The following MEF2A variants were observed in gnomAD, a reference collection of about 807,000 sequenced individuals.
MEF2A encodes myocyte-specific enhancer factor 2A.
MEF2A carries 28 observed loss-of-function variants against 55.8 expected under a neutral mutation model. The ratio of observed to expected loss-of-function variants is 0.50; its 90% CI spans 0.37 to 0.69. MEF2A has a LOEUF of 0.69. Ranked by LOEUF, MEF2A falls within the 30% of genes least tolerant of loss-of-function variation. MEF2A has a pLI of 0.00. For missense variants in MEF2A, 528 were observed against 626.2 expected, an observed-to-expected ratio of 0.84 and a Z score of 1.67; for synonymous variants, 239 against 227.1, an observed-to-expected ratio of 1.05 and a Z score of -0.47.
chr15:99,667,951 C>G (rs1407996232), intron 4 of MEF2A, among the ~76,000 whole-genome samples: 1 of 151,944 alleles, frequency 6.6e-6, no homozygotes, highest in Non-Finnish European at 1.5e-5. Context: ...TTTCAGTATC[C>G]TTACATAACT....
At position 99,622,702 on chromosome 15, in the gene MEF2A, C is replaced by CTTTTTT. The variant is rs56054040; in HGVS notation, c.-142-10270_-142-10265dup. Among the ~76,000 whole-genome samples, 39 of 135,696 alleles carry CTTTTTT rather than the reference C, an allele frequency of 2.9e-4. 5 individuals carry two copies. The highest frequency in any genetic ancestry group is 4.5e-4 in the South Asian group (2 of 4,402). 89.0% of individuals were successfully genotyped at this position (135,696 alleles called of 152,430 possible). A position where few individuals can be genotyped will look rare whatever the true frequency, so the allele number is the denominator to read the frequency against. ...ATCCTTCTTTAGGATGTTTTCTTTT[C>CTTTTTT]TTTTTTTTTTTCTTTTTTGAGATGG... On this transcript the variant is annotated intron_variant, in intron 2 of 11. Coordinates refer to ENST00000557942, the MANE Select transcript of MEF2A (RefSeq NM_001319206.4).
At chr15:99,665,216 A>C (rs2049374616) in intron 4 of MEF2A, among the ~76,000 whole-genome samples, 1 of 152,220 alleles carries the variant, frequency 6.6e-6, no homozygotes, top group African/African-American at 2.4e-5. Flanking sequence ...CAGGGCACTC[A>C]CTAAGTTTCA....
At chr15:99,587,546 A>G (rs36062766) in intron 1 of MEF2A, among the ~76,000 whole-genome samples, 1 of 152,188 alleles carries the variant, frequency 6.6e-6, no homozygotes, top group Non-Finnish European at 1.5e-5. Flanking sequence ...CAGTATCACA[A>G]CAGTATTAAC....
intron 6 of MEF2A, 131 bp from the exon 7 acceptor site, chr15:99,675,268 C>A: frequency 1.3e-6 from 1 of 789,268 alleles, no homozygotes; most frequent in Non-Finnish European, 2.2e-6. Context: ...TCAGACTGAG[C>A]TAGTTTTTAT....
rs754009589 is a variant in MEF2A, at chr15:99,706,872, G to GC, written c.1009+19dup. ...ACAACACTGGTGAGCCTGCTCTGGT[G>GC]CCTTCCGTAGGTTTTACCGCTCTCT... is the stretch of plus-strand genomic sequence containing the variant. On this transcript the variant is annotated intron_variant, in intron 10 of 11. Transcript: ENST00000557942. The GC allele has an allele frequency of 6.2e-7, 1 of 1,610,914 alleles. No homozygotes were observed. The highest frequency in any genetic ancestry group is 1.7e-4 in the Middle Eastern group (1 of 6,048).
rs759657998 is a variant in MEF2A at position 99,712,536 on chromosome 15, A to AGCC, written c.1290_1292dup (p.Pro433dup). 3.6e-5 allele frequency: 50 copies of AGCC among 1,379,990 alleles called. No individual in the cohort carries two copies. Among genetic ancestry groups the AGCC allele is most frequent in the African/African-American group, 1.8e-4 (12 of 67,024 alleles). The allele number at this position is 1,379,990 out of a possible 1,614,324, so 85.5% of individuals were successfully genotyped here. On this transcript the variant is annotated inframe_insertion, in exon 12 of 12. Coordinates refer to ENST00000557942, the MANE Select transcript of MEF2A (RefSeq NM_001319206.4). The surrounding 1 kb of genome is among the most constrained non-coding windows in gnomAD (Gnocchi z 4.1). ...CAGCAGCAGCAGCAGCAGCAGCAGC[A>AGCC]GCCGCCGCCACCACCGCAGCCCCAG...
chr15:99,613,549 T>C (rs767588510), intron 2 of MEF2A, among the ~76,000 whole-genome samples: 28 of 152,172 alleles, frequency 1.8e-4, no homozygotes, highest in Non-Finnish European at 3.8e-4. Context: ...CATTTATTTC[T>C]CTTTTTTTAA....
At chr15:99,661,824 T>C (rs1171976449) in intron 4 of MEF2A, among the ~76,000 whole-genome samples, 1 of 152,142 alleles carries the variant, frequency 6.6e-6, no homozygotes, top group Non-Finnish European at 1.5e-5. Flanking sequence ...TGCAGTAGAC[T>C]ATCTACAGAA....
At chr15:99,653,497 G>T (rs2047190289) in intron 4 of MEF2A, among the ~76,000 whole-genome samples, 1 of 152,088 alleles carries the variant, frequency 6.6e-6, no homozygotes, top group South Asian at 2.1e-4. Flanking sequence ...TTTAGAAAAT[G>T]AGACATACCT....
At position 99,687,608 on chromosome 15, in the gene MEF2A, T is replaced by C. The variant is rs566092357; in HGVS notation, c.671-2633T>C. The stretch of plus-strand genomic sequence containing the variant: ...TATCCATAATGCCTGCCTTCTCTTT[T>C]CTTCTGTTCTTCTCTCATTTCAGAC... On this transcript the variant is annotated intron_variant, in intron 7 of 11. Transcript: ENST00000557942. Among the ~76,000 whole-genome samples, 5 of 152,362 alleles carry C rather than the reference T, an allele frequency of 3.3e-5. No individual in the cohort carries two copies. In the East Asian group the frequency reaches 9.6e-4, roughly 29 times the overall value.
intron 4 of MEF2A, among the ~76,000 whole-genome samples, chr15:99,670,393 G>A (rs1225271126): frequency 2.6e-5 from 4 of 152,118 alleles, no homozygotes; most frequent in African/African-American, 7.2e-5. Flanking sequence ...TGGATCACGA[G>A]GTCAGGAGAT....
chr15:99,689,227 G>A (rs1383639670), intron 7 of MEF2A, among the ~76,000 whole-genome samples: 2 of 152,204 alleles, frequency 1.3e-5, no homozygotes, highest in Non-Finnish European at 2.9e-5. Context: ...CCTCAGTGAA[G>A]CTGAAGAAAC....
At chr15:99,594,804 A>G (rs1450505118) in intron 1 of MEF2A, among the ~76,000 whole-genome samples, 1 of 152,216 alleles carries the variant, frequency 6.6e-6, no homozygotes, top group Non-Finnish European at 1.5e-5. Context: ...TAATTGTCAT[A>G]TAGAAACTCT....
chr15:99,665,581 T>A (rs1268360881), intron 4 of MEF2A, among the ~76,000 whole-genome samples: 1 of 151,500 alleles, frequency 6.6e-6, no homozygotes, highest in South Asian at 2.1e-4. Flanking sequence ...AATAGATAAA[T>A]AGGATCTGAT....
Position 99,710,754 on chromosome 15 carries a change from C to A in MEF2A, c.1130C>A (p.Ser377Tyr), listed in dbSNP as rs897873312. 1.9e-6 allele frequency: 3 copies of A among 1,600,332 alleles called. No homozygotes were observed. The highest frequency in any genetic ancestry group is 1.3e-5 in the African/African-American group (1 of 74,844). Residue 377 changes from serine to tyrosine, a missense_variant, in exon 11 of 12, where the codon TCT becomes TAT. Physicochemically the swap from Ser to Tyr is moderately radical, Grantham distance 144. Around this residue, in one of 2 missense-constraint regions of MEF2A, gnomAD observed 450 missense variants for 475.3 expected, o/e 0.95. Transcript: ENST00000557942. ...CACCTAGGACAAGCAGCCCTCAGCT[C>A]TCTTGTGTGAGTAACTAGAAGTTTT... ...QHHLGQAALS[S>Y]LVAGGQLSQG...
chr15:99,660,796 A>G (rs2048491985), intron 4 of MEF2A, among the ~76,000 whole-genome samples: 1 of 152,226 alleles, frequency 6.6e-6, no homozygotes, highest in South Asian at 2.1e-4. Context: ...CCATATTCAT[A>G]GATCAGAAGT....
At chr15:99,589,467 A>G (rs534546205) in intron 1 of MEF2A, among the ~76,000 whole-genome samples, 6 of 152,116 alleles carry the variant, frequency 3.9e-5, no homozygotes, top group African/African-American at 1.4e-4. Flanking sequence ...ACCAACTTTA[A>G]TTGATTTTAT....
rs757500344 is a variant in MEF2A at position 99,716,449 on chromosome 15, C to T, written c.*3678C>T. ...AAGGTTGTTGTAAACTGTTTGTCTCCCGCACTCACTCCAGTAAAGACGGAC... is the reference window on the plus strand; with the variant it reads ...AAGGTTGTTGTAAACTGTTTGTCTCTCGCACTCACTCCAGTAAAGACGGAC... On this transcript the variant is annotated 3_prime_UTR_variant, in exon 12 of 12. Coordinates refer to ENST00000557942, the MANE Select transcript of MEF2A (RefSeq NM_001319206.4). 1 of 455,624 alleles carries T rather than the reference C, an allele frequency of 2.2e-6. No individual in the cohort carries two copies. The highest frequency in any genetic ancestry group is 1.6e-5 in the South Asian group (1 of 64,508). 28.2% of individuals were successfully genotyped at this position (455,624 alleles called of 1,614,324 possible).
chr15:99,675,256 C>G, intron 6 of MEF2A, 143 bp from the exon 7 acceptor site: 1 of 744,878 alleles, frequency 1.3e-6, no homozygotes, highest in Non-Finnish European at 2.4e-6. Context: ...TTAATGCCAA[C>G]TTCAGACTGA....
Sources: gnomAD v4.1 joint callset for allele counts (sites outside exome capture counted in the v4.1 genomes callset) on GRCh38, gnomAD v4.1.1 for gene constraint, gnomAD v4.1.1 regional missense constraint, Gnocchi (gnomAD v3.1) non-coding constraint, MANE v1.5 for transcripts, NCBI Gene and HGNC (gene_info 2026-07-23, HGNC 2026-07-21) for gene names.